SH3BP1: variants seen among roughly 807,000 people sequenced by gnomAD.
SH3BP1 encodes the protein SH3 domain-binding protein 1.
Under a neutral mutation model 69.8 loss-of-function variants are expected in SH3BP1, and 46 were observed. The observed-to-expected ratio is 0.66, with a 90% CI of 0.52 to 0.84. The LOEUF (loss-of-function observed/expected upper bound fraction) is 0.84. SH3BP1 is among the 40% of genes least tolerant of loss of function. SH3BP1 has a pLI of 0.00. For missense variants in SH3BP1, 868 were observed against 930.9 expected (o/e 0.93, Z 0.88); for synonymous variants, 403 against 378.0 (o/e 1.07, Z -0.77).
At position 37,653,201 on chromosome 22, in the gene SH3BP1, G is replaced by A. The variant is rs562244972; in HGVS notation, c.1599-578G>A. 7.2e-5 allele frequency among the ~76,000 whole-genome samples: 11 copies of A among 152,120 alleles called. No individual in the cohort carries two copies. The East Asian group carries it at 1.7e-3, about 24-fold the overall frequency. The stretch of plus-strand genomic sequence containing the variant: ...TGTAATCCCAGCACTTTGGGAGGCC[G>A]AGGTGGGCAGAAGATCGCTTGAGAC... On this transcript the variant is annotated intron_variant, in intron 16 of 17. Transcript: ENST00000649765.
chr22:37,649,759 G>A lies in SH3BP1; in HGVS notation c.1317-393G>A, dbSNP rs375437237. The A allele has an allele frequency of 4.1e-3, 1,194 of 288,660 alleles. 23 individuals carry two copies. The highest frequency in any genetic ancestry group is 0.028 in the South Asian group (884 of 31,412). 17.9% of individuals were successfully genotyped at this position (288,660 alleles called of 1,614,324 possible). On this transcript the variant is annotated intron_variant, in intron 14 of 17. Coordinates refer to ENST00000649765, the MANE Select transcript of SH3BP1 (RefSeq NM_018957.6). The stretch of plus-strand genomic sequence containing the variant: ...AGATCGGGCCACTGCACCCCAGCCT[G>A]GGTGAGAGAGCAAGACTCTGTCTCA...
chr22:37,655,786 C>T lies in SH3BP1; in HGVS notation c.*102C>T. On this transcript the variant is annotated 3_prime_UTR_variant, in exon 18 of 18. Coordinates refer to ENST00000649765, the MANE Select transcript of SH3BP1 (RefSeq NM_018957.6). Reference sequence around the variant, plus strand: ...CCACAAAGGGGCATGGGCCTCCAGCCTTTGCCCACAAGTGCCTCAGTGCCC... The same window carrying T: ...CCACAAAGGGGCATGGGCCTCCAGCTTTTGCCCACAAGTGCCTCAGTGCCC... 6.9e-7 allele frequency: 1 copy of T among 1,448,682 alleles called. No individual in the cohort carries two copies. The highest frequency in any genetic ancestry group is 9.0e-7 in the Non-Finnish European group (1 of 1,106,784). 89.7% of individuals were successfully genotyped at this position (1,448,682 alleles called of 1,614,324 possible).
Position 37,655,638 on chromosome 22 carries a change from TC to T in SH3BP1, c.2066del (p.Pro689LeufsTer20). 3 of 1,402,068 alleles carry T rather than the reference TC, an allele frequency of 2.1e-6. No homozygotes were observed. Among genetic ancestry groups the T allele is most frequent in the South Asian group, 1.4e-5 (1 of 72,776 alleles). The allele number at this position is 1,402,068 out of a possible 1,614,324, so 86.9% of individuals were successfully genotyped here. A position where few individuals can be genotyped will look rare whatever the true frequency, so the allele number is the denominator to read the frequency against. On this transcript the variant is annotated frameshift_variant, in exon 18 of 18. Coordinates refer to ENST00000649765, the MANE Select transcript of SH3BP1 (RefSeq NM_018957.6). LOFTEE classifies it high-confidence loss of function. ...AISGVPTPPA[I>X]PPQPRPRSLA... ...AGTGGGGTCCCCACTCCCCCAGCTA[TC>T]CCCCCTCAGCCCCGCCCCAGGAGCC... is the stretch of plus-strand genomic sequence containing the variant.
At chr22:37,640,197 C>G (rs1024002713) in intron 1 of SH3BP1, among the ~76,000 whole-genome samples, 2 of 152,116 alleles carry the variant, frequency 1.3e-5, no homozygotes, top group African/African-American at 4.8e-5. Flanking sequence ...GACAATGGGA[C>G]AGTTCACCAC....
chr22:37,642,840 T>C, intron 4 of SH3BP1, 55 bp from the exon 5 acceptor site: 1 of 1,595,498 alleles, frequency 6.3e-7, no homozygotes, highest in South Asian at 1.1e-5. Context: ...ACCAAGTGTT[T>C]CCAGTGGAGG....
At chr22:37,652,515 G>A (rs981659608) in intron 16 of SH3BP1, among the ~76,000 whole-genome samples, 3 of 151,252 alleles carry the variant, frequency 2.0e-5, no homozygotes, top group African/African-American at 7.3e-5. Flanking sequence ...CTGGGCAACA[G>A]AGTGAGATCC....
rs1933009926 is a variant in SH3BP1, at chr22:37,655,588, A to G, written c.2010A>G (p.Ala670=). Residue 670 remains alanine (A), a synonymous_variant, in exon 18 of 18, where the codon GCA becomes GCG. Coordinates refer to ENST00000649765, the MANE Select transcript of SH3BP1 (RefSeq NM_018957.6). The part of the protein sequence containing the change: ...PAQVDLGAAT[A]EGGAPEAISG... Reference sequence around the variant, plus strand: ...AGGTGGACCTGGGGGCTGCCACAGCAGAGGGAGGAGCCCCTGAGGCTATCA... The same window carrying G: ...AGGTGGACCTGGGGGCTGCCACAGCGGAGGGAGGAGCCCCTGAGGCTATCA... 1 of 1,591,774 alleles carries G rather than the reference A, an allele frequency of 6.3e-7. No homozygotes were observed. Among genetic ancestry groups the G allele is most frequent in the Non-Finnish European group, 8.5e-7 (1 of 1,169,836 alleles).
chr22:37,644,593 C>G (rs1399588739), intron 7 of SH3BP1, 44 bp from the exon 8 acceptor site: 1 of 1,598,022 alleles, frequency 6.3e-7, no homozygotes, highest in Non-Finnish European at 8.6e-7. Context: ...CCTCTAGACC[C>G]CACAGCCTCA....
At chr22:37,650,367 A>G in intron 15 of SH3BP1, 118 bp downstream of exon 15, 1 of 1,494,354 alleles carries the variant, frequency 6.7e-7, no homozygotes, top group Non-Finnish European at 8.9e-7. Flanking sequence ...TCAGTTTCTC[A>G]TTTTTACAAC....
Position 37,655,537 on chromosome 22 carries a change from C to A in SH3BP1, c.1959C>A (p.Ser653Arg). 6.3e-7 allele frequency: 1 copy of A among 1,591,828 alleles called. No homozygotes were observed. Among genetic ancestry groups the A allele is most frequent in the Non-Finnish European group, 8.5e-7 (1 of 1,170,578 alleles). ...CCTCCCCAGGTCCAGCCTCCCCCAGCCCAGTCTCTTTGAGTAACCCTGCAC... is the reference window on the plus strand; with the variant it reads ...CCTCCCCAGGTCCAGCCTCCCCCAGACCAGTCTCTTTGAGTAACCCTGCAC... Reference protein sequence around the residue: ...SPASPGPASPSPVSLSNPAQV... With the variant: ...SPASPGPASPRPVSLSNPAQV... The change falls in exon 18 of 18, where the codon AGC becomes AGA. Residue 653 changes from serine to arginine, a missense_variant. Ser to Arg is a moderately radical substitution (Grantham distance 110). Transcript: ENST00000649765.
Position 37,645,478 on chromosome 22 carries a change from A to G in SH3BP1, c.892A>G (p.Met298Val). The G allele has an allele frequency of 6.2e-7, 1 of 1,613,532 alleles. No individual in the cohort carries two copies. The highest frequency in any genetic ancestry group is 8.5e-7 in the Non-Finnish European group (1 of 1,179,596). The part of the protein sequence containing the change: ...EIALPIEACV[M>V]MLLSEGMKEE... ...TGCCCTGCCCATCGAGGCCTGCGTC[A>G]TGATGCTGCTTTCTGAGGGCATGAA... Residue 298 changes from methionine to valine, a missense_variant, in exon 10 of 18, where the codon ATG becomes GTG. Physicochemically the swap from Met to Val is conservative, Grantham distance 21. This residue lies in a region of SH3BP1 where 387 missense variants were observed against 447.9 expected (regional missense o/e 0.86). Coordinates refer to ENST00000649765, the MANE Select transcript of SH3BP1 (RefSeq NM_018957.6).
At chr22:37,652,305 G>A (rs1323250499) in intron 16 of SH3BP1, among the ~76,000 whole-genome samples, 9 of 143,006 alleles carry the variant, frequency 6.3e-5, no homozygotes, top group Non-Finnish European at 1.2e-4. Flanking sequence ...GCGAGACTCC[G>A]TCTCAAAAAA....
At position 37,647,468 on chromosome 22, in the gene SH3BP1, G is replaced by A; in HGVS notation, c.1146G>A (p.Gln382=). The A allele has an allele frequency of 6.2e-7, 1 of 1,610,532 alleles. No individual in the cohort carries two copies. The highest frequency in any genetic ancestry group is 8.5e-7 in the Non-Finnish European group (1 of 1,179,600). ...TGAAGGAGCCAGGGGCCCGGCTGCA[G>A]GCCCTCCAAGAGGTGTGCAGCCGCC... ...ASLKEPGARL[Q]ALQEVCSRLP... is the part of the protein sequence containing the mutation. The change falls in exon 13 of 18, where the codon CAG becomes CAA. Residue 382 remains glutamine (Q), a synonymous_variant. Transcript: ENST00000649765.
At chr22:37,643,499 GC>G (rs1932690488) in intron 6 of SH3BP1, 144 bp from the exon 7 acceptor site, 1 of 1,200,428 alleles carries the variant, frequency 8.3e-7, no homozygotes, top group Non-Finnish European at 1.2e-6. Context: ...TCATGGCCCA[GC>G]CTGGGCAGAG....
At position 37,650,739 on chromosome 22, in the gene SH3BP1, G is replaced by T; in HGVS notation, c.1598+14G>T. On this transcript the variant is annotated intron_variant, in intron 16 of 17. Coordinates refer to ENST00000649765, the MANE Select transcript of SH3BP1 (RefSeq NM_018957.6). ...TACCAAGGAAAGGTGAGGACTGAGGGGCTTGAATGGCTCCTGTGGTACTCC... is the reference window on the plus strand; with the variant it reads ...TACCAAGGAAAGGTGAGGACTGAGGTGCTTGAATGGCTCCTGTGGTACTCC... 6.3e-7 allele frequency: 1 copy of T among 1,587,030 alleles called. No homozygotes were observed. Among genetic ancestry groups the T allele is most frequent in the Non-Finnish European group, 8.6e-7 (1 of 1,164,472 alleles).
Position 37,655,802 on chromosome 22 carries a change from C to T in SH3BP1, c.*118C>T. Reference sequence around the variant, plus strand: ...GCCTCCAGCCTTTGCCCACAAGTGCCTCAGTGCCCACTGGGTCGGCCCCCA... The same window carrying T: ...GCCTCCAGCCTTTGCCCACAAGTGCTTCAGTGCCCACTGGGTCGGCCCCCA... On this transcript the variant is annotated 3_prime_UTR_variant, in exon 18 of 18. Transcript: ENST00000649765. The T allele has an allele frequency of 6.9e-7, 1 of 1,453,926 alleles. No homozygotes were observed. The highest frequency in any genetic ancestry group is 9.0e-7 in the Non-Finnish European group (1 of 1,109,550). The allele number at this position is 1,453,926 out of a possible 1,614,324, so 90.1% of individuals were successfully genotyped here. A position where few individuals can be genotyped will look rare whatever the true frequency, so the allele number is the denominator to read the frequency against.
At position 37,646,915 on chromosome 22, in the gene SH3BP1, C is replaced by T. The variant is rs757375237; in HGVS notation, c.1022C>T (p.Pro341Leu). Reference protein sequence around the residue: ...PHSLEEFCSDPHAVAGALKSY... With the variant: ...PHSLEEFCSDLHAVAGALKSY... ...AGCCTGGAGGAGTTCTGCTCCGACC[C>T]GCACGCTGTGGCAGGTGCCTGATCC... The change falls in exon 11 of 18, where the codon CCG (proline) becomes CTG (leucine). Residue 341 changes from proline (P) to leucine (L), a missense_variant. This residue lies in a region of SH3BP1 where 387 missense variants were observed against 447.9 expected (regional missense o/e 0.86). Transcript: ENST00000649765. 9 of 1,548,078 alleles carry T rather than the reference C, an allele frequency of 5.8e-6. No homozygotes were observed. Among genetic ancestry groups the T allele is most frequent in the African/African-American group, 5.4e-5 (4 of 73,768 alleles).
intron 15 of SH3BP1, 109 bp from the exon 16 acceptor site, chr22:37,650,433 A>G: frequency 2.7e-6 from 4 of 1,506,252 alleles, no homozygotes; most frequent in Non-Finnish European, 3.6e-6. Flanking sequence ...GGAGTGGGGA[A>G]GCTGAACATG....
At chr22:37,640,577 TCA>T (rs1932548691) in intron 1 of SH3BP1, 1 of 155,190 alleles carries the variant, frequency 6.4e-6, no homozygotes, top group Non-Finnish European at 1.4e-5. Flanking sequence ...GGTTCTAGTC[TCA>T]CACTGGCACA....
Sources: allele counts gnomAD v4.1 joint callset (sites outside exome capture counted in the v4.1 genomes callset), GRCh38; gene constraint gnomAD v4.1.1; regional missense constraint gnomAD v4.1.1; transcripts MANE v1.5; gene names NCBI Gene and HGNC (gene_info 2026-07-23, HGNC 2026-07-21).